ATP9B: variants seen among roughly 807,000 people sequenced by gnomAD.
ATP9B encodes ATPase phospholipid transporting 9B.
ATP9B carries 110 observed loss-of-function variants against 146.1 expected under a neutral mutation model. The observed-to-expected ratio is 0.75, with a 90% confidence interval of 0.65 to 0.88. The LOEUF (loss-of-function observed/expected upper bound fraction) is 0.88, where lower values mean the gene tolerates loss of function less well. Ranked by LOEUF, ATP9B falls within the 40% of genes least tolerant of loss-of-function variation. The pLI is 0.00. For missense variants in ATP9B, 1,499 were observed against 1,496.4 expected, an observed-to-expected ratio of 1.00 and a Z score of -0.03; for synonymous variants, 604 against 569.7, an observed-to-expected ratio of 1.06 and a Z score of -0.86.
Position 79,113,293 on chromosome 18 carries a change from C to G in ATP9B, c.497C>G (p.Ser166Cys), listed in dbSNP as rs376041066. Residue 166 changes from serine to cysteine, a missense_variant, in exon 4 of 30, where the codon TCC becomes TGC. Ser to Cys is a moderately radical substitution (Grantham distance 112). Transcript: ENST00000426216. ...FFLNLYFLVI[S>C]CSQFVPALKI... is the part of the protein sequence containing the mutation. ...TTGAATCTCTATTTTCTAGTAATATCCTGCTCACAGTTTGTACCAGCATTG... is the reference window on the plus strand; with the variant it reads ...TTGAATCTCTATTTTCTAGTAATATGCTGCTCACAGTTTGTACCAGCATTG... The G allele has an allele frequency of 7.5e-6, 12 of 1,602,092 alleles. No homozygotes were observed. Among genetic ancestry groups the G allele is most frequent in the Non-Finnish European group, 1.0e-5 (12 of 1,170,830 alleles).
chr18:79,363,817 T>C (rs1237310319), intron 26 of ATP9B: 1 of 152,260 alleles, frequency 6.6e-6, no homozygotes, highest in Non-Finnish European at 1.5e-5. Flanking sequence ...CGTAAACAGA[T>C]GTTCCTGGGT....
At chr18:79,124,913 G>T (rs1225557468) in intron 4 of ATP9B, among the ~76,000 whole-genome samples, 3 of 152,150 alleles carry the variant, frequency 2.0e-5, no homozygotes, top group African/African-American at 7.2e-5. Context: ...GTGGGCTGAG[G>T]CCAGCTTTGG....
intron 1 of ATP9B, among the ~76,000 whole-genome samples, chr18:79,073,268 C>T (rs985426909): frequency 6.6e-6 from 1 of 152,160 alleles, no homozygotes; most frequent in African/African-American, 2.4e-5. Flanking sequence ...TTTGGGAGGC[C>T]AAGGCAGGCG....
chr18:79,086,434 T>TGAAAAAA (rs2073834044), intron 1 of ATP9B: 1 of 1,276 alleles, frequency 7.8e-4, no homozygotes, highest in Admixed American at 5.3e-3. Context: ...AGGCTCTATC[T>TGAAAAAA]CAAAAAAAAA....
chr18:79,302,789 A>G (rs1024510684), intron 13 of ATP9B, among the ~76,000 whole-genome samples: 1 of 152,170 alleles, frequency 6.6e-6, no homozygotes, highest in African/African-American at 2.4e-5. Context: ...GGACACACAT[A>G]CATGCTAAGG....
intron 13 of ATP9B, among the ~76,000 whole-genome samples, chr18:79,284,955 A>AT (rs1194480034): frequency 2.0e-5 from 3 of 152,002 alleles, no homozygotes; most frequent in South Asian, 2.1e-4. Context: ...TGAACTCATC[A>AT]TTTTTTCTGG....
intron 8 of ATP9B, among the ~76,000 whole-genome samples, chr18:79,183,762 G>T (rs1600242248): frequency 6.9e-6 from 1 of 144,826 alleles, no homozygotes. Flanking sequence ...TACCATTTTT[G>T]GGGGGAGTAT....
chr18:79,242,752 T>G (rs895860293), intron 11 of ATP9B, among the ~76,000 whole-genome samples: 2 of 152,242 alleles, frequency 1.3e-5, no homozygotes, highest in African/African-American at 4.8e-5. Context: ...CTCTTGGGAT[T>G]GCTTACAAGC....
At chr18:79,212,963 G>A (rs1253353244) in intron 10 of ATP9B, among the ~76,000 whole-genome samples, 1 of 152,116 alleles carries the variant, frequency 6.6e-6, no homozygotes, top group Non-Finnish European at 1.5e-5. Context: ...TTTCTAGAGA[G>A]GAAGGTGTAA....
chr18:79,292,376 A>G (rs987322706), intron 13 of ATP9B, among the ~76,000 whole-genome samples: 2 of 152,252 alleles, frequency 1.3e-5, no homozygotes, highest in Admixed American at 1.3e-4. Flanking sequence ...AGATCAACAC[A>G]CAAGAATGAA....
chr18:79,143,988 G>A, intron 6 of ATP9B, 128 bp downstream of exon 6: 2 of 542,880 alleles, frequency 3.7e-6, no homozygotes, highest in Non-Finnish European at 6.2e-6. Context: ...CCTTGTGTAA[G>A]ATTTGTTGTA....
chr18:79,332,797 C>T (rs1226018089), intron 17 of ATP9B: 1 of 152,212 alleles, frequency 6.6e-6, no homozygotes, highest in Non-Finnish European at 1.5e-5. Context: ...ATTGTCACTT[C>T]TTTTGTCTCC....
chr18:79,364,365 A>G (rs1358258362), intron 26 of ATP9B: 4 of 152,248 alleles, frequency 2.6e-5, no homozygotes, highest in African/African-American at 4.8e-5. Flanking sequence ...CAGTTAGACA[A>G]TGTGTTATTG....
intron 19 of ATP9B, chr18:79,340,108 G>C (rs62096820): frequency 1.3e-5 from 2 of 151,948 alleles, no homozygotes; most frequent in Non-Finnish European, 2.9e-5. Flanking sequence ...ATGAATGAGC[G>C]AGCATATGAC....
At chr18:79,103,285 T>TA (rs1555680519) in intron 2 of ATP9B, among the ~76,000 whole-genome samples, 2,317 of 149,660 alleles carry the variant, frequency 0.015, 48 homozygotes, top group African/African-American at 0.041. Context: ...TTTTTTTTTT[T>TA]AAGAAATCTA....
rs2097111056 is a variant in ATP9B, at chr18:79,378,157, T to G, written c.*774T>G. 1 of 152,252 alleles carries G rather than the reference T, an allele frequency of 6.6e-6. No homozygotes were observed. Among genetic ancestry groups the G allele is most frequent in the Non-Finnish European group, 1.5e-5 (1 of 68,054 alleles). The allele number at this position is 152,252 out of a possible 1,614,324, so 9.4% of individuals were successfully genotyped here. A position where few individuals can be genotyped will look rare whatever the true frequency, so the allele number is the denominator to read the frequency against. On this transcript the variant is annotated 3_prime_UTR_variant, in exon 30 of 30. Coordinates refer to ENST00000426216, the MANE Select transcript of ATP9B (RefSeq NM_198531.5). ...GGCTCCACGGAGGCCCGTGTCCACATCAGCTGCAGCTCCCACTCAGACAGA... is the reference window on the plus strand; with the variant it reads ...GGCTCCACGGAGGCCCGTGTCCACAGCAGCTGCAGCTCCCACTCAGACAGA...
chr18:79,131,219 A>C (rs758002076), intron 5 of ATP9B, among the ~76,000 whole-genome samples: 5 of 152,228 alleles, frequency 3.3e-5, no homozygotes. Flanking sequence ...GCTTTCGTGC[A>C]TCTAAGGGCA....
At chr18:79,311,416 A>G (rs1441442931) in intron 15 of ATP9B, among the ~76,000 whole-genome samples, 3 of 152,168 alleles carry the variant, frequency 2.0e-5, no homozygotes, top group African/African-American at 7.2e-5. Context: ...CAGGGGACAG[A>G]TATAAACATC....
At chr18:79,108,743 C>T (rs1042375272) in intron 2 of ATP9B, among the ~76,000 whole-genome samples, 3 of 152,190 alleles carry the variant, frequency 2.0e-5, no homozygotes, top group Non-Finnish European at 4.4e-5. Flanking sequence ...CAGAACCAAC[C>T]TCTGACCTTT....
Sources: allele counts gnomAD v4.1 joint callset (sites outside exome capture counted in the v4.1 genomes callset), GRCh38; gene constraint gnomAD v4.1.1; transcripts MANE v1.5; gene names NCBI Gene and HGNC (gene_info 2026-07-23, HGNC 2026-07-21).